CFAP70: variants seen among roughly 807,000 people sequenced by gnomAD.
CFAP70 encodes cilia- and flagella-associated protein 70.
CFAP70 carries 81 observed loss-of-function variants against 137.6 expected under a neutral mutation model. That is an observed-to-expected ratio of 0.59 (90% confidence interval 0.49 to 0.71). The LOEUF is 0.71. Ranked by LOEUF, CFAP70 falls within the 30% of genes least tolerant of loss-of-function variation. The pLI is 0.00. For missense variants in CFAP70, 976 were observed against 1,226.7 expected, an observed-to-expected ratio of 0.80 and a Z score of 3.05; for synonymous variants, 382 against 423.6, an observed-to-expected ratio of 0.90 and a Z score of 1.20.
chr10:73,291,801 C>T, intron 17 of CFAP70, 46 bp from the exon 19 acceptor site: 7 of 1,612,460 alleles, frequency 4.3e-6, no homozygotes, highest in Non-Finnish European at 5.9e-6. Flanking sequence ...TCCCATGTCA[C>T]ATTTATGGAA....
At chr10:73,277,749 G>C (rs768426097) in intron 20 of CFAP70, among the ~76,000 whole-genome samples, 8 of 152,026 alleles carry the variant, frequency 5.3e-5, no homozygotes, top group Non-Finnish European at 8.8e-5. Flanking sequence ...TCACTTGGCA[G>C]GGAGAGTCTT....
At chr10:73,301,033 G>A (rs2048912029) in intron 12 of CFAP70, among the ~76,000 whole-genome samples, 1 of 152,128 alleles carries the variant, frequency 6.6e-6, no homozygotes, top group Admixed American at 6.5e-5. Flanking sequence ...AGATAAATAT[G>A]CTAGTAATAT....
chr10:73,322,780 T>A (rs2050993229), intron 9 of CFAP70, among the ~76,000 whole-genome samples, 183 bp downstream of exon 10: 1 of 152,190 alleles, frequency 6.6e-6, no homozygotes, highest in Non-Finnish European at 1.5e-5. Flanking sequence ...TCAGTTTTTG[T>A]CCTTTCATTA....
upstream of CFAP70, among the ~76,000 whole-genome samples, chr10:73,362,889 G>C (rs544516955): frequency 1.0e-4 from 15 of 149,826 alleles, no homozygotes; most frequent in Admixed American, 6.7e-4. Context: ...CATTCAGTAT[G>C]TTAGCTGTGT....
At chr10:73,269,707 C>G (rs1278562465) in exon 25 of CFAP70, 1 of 1,610,728 alleles carries the variant, frequency 6.2e-7, no homozygotes, top group Non-Finnish European at 8.5e-7. Context: ...CCTCTGTGAG[C>G]TCCTCCAGCT....
intron 25 of CFAP70, among the ~76,000 whole-genome samples, chr10:73,265,158 T>C (rs2133636825): frequency 6.6e-6 from 1 of 152,240 alleles, no homozygotes; most frequent in African/African-American, 2.4e-5. Context: ...ACCGTGTCTC[T>C]ACTAAAAATA....
intron 9 of CFAP70, among the ~76,000 whole-genome samples, chr10:73,321,945 G>A (rs114023590): frequency 0.02 from 3,007 of 152,016 alleles, 87 homozygotes; most frequent in African/African-American, 0.069. Flanking sequence ...CACCACACTC[G>A]GCAAATTTTT....
chr10:73,325,509 G>T (rs1046161091), intron 8 of CFAP70, among the ~76,000 whole-genome samples: 17 of 152,102 alleles, frequency 1.1e-4, no homozygotes, highest in African/African-American at 4.1e-4. Context: ...ATGTAAATGG[G>T]CTAAATGCTC....
At chr10:73,341,786 A>T (rs1362764724) in intron 5 of CFAP70, among the ~76,000 whole-genome samples, 1 of 152,230 alleles carries the variant, frequency 6.6e-6, no homozygotes, top group East Asian at 1.9e-4. Flanking sequence ...TTTGATAATA[A>T]TGCAAATTAT....
chr10:73,269,495 A>G (rs2046062878), intron 25 of CFAP70, 119 bp downstream of exon 26: 10 of 662,326 alleles, frequency 1.5e-5, no homozygotes, highest in Non-Finnish European at 2.4e-5. Flanking sequence ...TAATGATTAC[A>G]CCTAGAGCTT....
intron 12 of CFAP70, among the ~76,000 whole-genome samples, chr10:73,307,867 G>A (rs184155109): frequency 4.6e-4 from 70 of 151,350 alleles, no homozygotes; most frequent in African/African-American, 9.7e-4. Flanking sequence ...GATTTGGGCC[G>A]GGCATGGTGG....
At position 73,275,431 on chromosome 10, in the gene CFAP70, A is replaced by G; in HGVS notation, c.2673+15T>C. 1 of 1,579,728 alleles carries G rather than the reference A, an allele frequency of 6.3e-7. No individual in the cohort carries two copies. The highest frequency in any genetic ancestry group is 1.2e-5 in the South Asian group (1 of 83,962). ...CCCTTCTCCAGACTCAAGAGGCTTTAGCAAAAGTCATTACCAGGTAGTCCA... is the reference window on the plus strand; with the variant it reads ...CCCTTCTCCAGACTCAAGAGGCTTTGGCAAAAGTCATTACCAGGTAGTCCA... On this transcript the variant is annotated intron_variant, in intron 22 of 26. Transcript: ENST00000310715. This position sits in a 1 kb window ranked among gnomAD's most constrained non-coding sequence, Gnocchi z 4.0.
chr10:73,323,237 C>T, intron 8 of CFAP70, 140 bp from the exon 10 acceptor site: 1 of 636,214 alleles, frequency 1.6e-6, no homozygotes, highest in Non-Finnish European at 2.4e-6. Flanking sequence ...GGGCCAGTTA[C>T]ATAAGACATT....
At chr10:73,274,708 T>A in intron 22 of CFAP70, 114 bp from the exon 24 acceptor site, 1 of 1,001,574 alleles carries the variant, frequency 1.0e-6, no homozygotes. Flanking sequence ...TTCTCTTTTC[T>A]TTTTCAGATC....
intron 3 of CFAP70, among the ~76,000 whole-genome samples, chr10:73,353,013 T>C (rs1045894808): frequency 6.6e-6 from 1 of 152,240 alleles, no homozygotes; most frequent in Non-Finnish European, 1.5e-5. Context: ...GATCCTTTGA[T>C]CTATGGTAGG....
intron 25 of CFAP70, among the ~76,000 whole-genome samples, chr10:73,260,475 A>G (rs1403431388): frequency 1.3e-5 from 2 of 151,918 alleles, no homozygotes; most frequent in East Asian, 3.9e-4. Context: ...CTCATTTTGC[A>G]GGTGCTATAT....
chr10:73,297,002 CTACAG>C (rs2048591150), intron 15 of CFAP70, 35 bp downstream of exon 16: 2 of 1,599,228 alleles, frequency 1.3e-6, no homozygotes, highest in African/African-American at 2.7e-5. Flanking sequence ...CTCTGATGCT[CTACAG>C]AGAAAAGAAA....
At position 73,275,356 on chromosome 10, in the gene CFAP70, G is replaced by T; in HGVS notation, c.2673+90C>A. 7.0e-7 allele frequency: 1 copy of T among 1,430,510 alleles called. No homozygotes were observed. The highest frequency in any genetic ancestry group is 9.4e-7 in the Non-Finnish European group (1 of 1,064,896). The allele number at this position is 1,430,510 out of a possible 1,614,324, so 88.6% of individuals were successfully genotyped here. A position where few individuals can be genotyped will look rare whatever the true frequency, so the allele number is the denominator to read the frequency against. ...ACTGACAGCTGATGACCACCCTTCTGTTCACCAGAAATCTACGTGTGATAT... is the reference window on the plus strand; with the variant it reads ...ACTGACAGCTGATGACCACCCTTCTTTTCACCAGAAATCTACGTGTGATAT... On this transcript the variant is annotated intron_variant, in intron 22 of 26. Transcript: ENST00000310715. This position sits in a 1 kb window ranked among gnomAD's most constrained non-coding sequence, Gnocchi z 4.0.
chr10:73,258,220 C>T (rs972814756), intron 25 of CFAP70, among the ~76,000 whole-genome samples: 6 of 152,156 alleles, frequency 3.9e-5, no homozygotes, highest in South Asian at 2.1e-4. Context: ...GGACACTGAA[C>T]GGAGGGACCG....
Sources: allele counts gnomAD v4.1 joint callset (sites outside exome capture counted in the v4.1 genomes callset), GRCh38; gene constraint gnomAD v4.1.1; non-coding constraint Gnocchi (gnomAD v3.1); transcripts MANE v1.5; gene names NCBI Gene and HGNC (gene_info 2026-07-23, HGNC 2026-07-21).